The following INTS6 variants were observed in gnomAD, a reference collection of about 807,000 sequenced individuals.
INTS6 encodes integrator complex subunit 6, also known as DEAD box protein.
In INTS6, 16 loss-of-function variants were observed where a neutral mutation model predicts 104.9. The ratio of observed to expected loss-of-function variants is 0.15; its 90% CI spans 0.10 to 0.23. INTS6 has a LOEUF of 0.23. INTS6 is among the 10% of genes least tolerant of loss of function. INTS6 has a pLI of 1.00. For missense variants in INTS6, 584 were observed against 1,062.8 expected (o/e 0.55, Z 6.26); for synonymous variants, 324 against 358.7 (o/e 0.90, Z 1.09).
At position 51,452,796 on chromosome 13, in the gene INTS6, G is replaced by A. The variant is rs1430574158; in HGVS notation, c.-271C>T. The stretch of plus-strand genomic sequence containing the variant: ...GGGGCGGGCGCCCAGCCGTCTGTCT[G>A]TCGGTTCGTCCCCCCCGCCTCGGGG... On this transcript the variant is annotated 5_prime_UTR_variant, in exon 1 of 18. Coordinates refer to ENST00000311234, the MANE Select transcript of INTS6 (RefSeq NM_012141.3). This position sits in a 1 kb window ranked among gnomAD's most constrained non-coding sequence, Gnocchi z 4.2. 8.4e-7 allele frequency: 1 copy of A among 1,194,004 alleles called. No homozygotes were observed. The allele number at this position is 1,194,004 out of a possible 1,614,324, so 74.0% of individuals were successfully genotyped here.
chr13:51,395,248 T>C, intron 5 of INTS6, 52 bp downstream of exon 5: 1 of 1,503,676 alleles, frequency 6.7e-7, no homozygotes, highest in Non-Finnish European at 9.0e-7. Context: ...TTTTAAAACA[T>C]TCAGATAAAA....
chr13:51,377,249 C>T (rs1955952136), intron 12 of INTS6, among the ~76,000 whole-genome samples: 1 of 152,004 alleles, frequency 6.6e-6, no homozygotes, highest in Non-Finnish European at 1.5e-5. Context: ...TATATGAATT[C>T]TTTATATATT....
At chr13:51,425,571 A>G (rs1593747731) in intron 4 of INTS6, among the ~76,000 whole-genome samples, 2 of 152,212 alleles carry the variant, frequency 1.3e-5, no homozygotes, top group African/African-American at 4.8e-5. Context: ...AATAACTGCT[A>G]CACTATCCTG....
chr13:51,414,507 A>T (rs1320491359), intron 4 of INTS6, among the ~76,000 whole-genome samples: 1 of 152,180 alleles, frequency 6.6e-6, no homozygotes, highest in Admixed American at 6.5e-5. Context: ...TAATCAAACT[A>T]ATGCTAAATC....
chr13:51,341,125 CA>C, the INTS6 span: 1 of 1,613,906 alleles, frequency 6.2e-7, no homozygotes, highest in Admixed American at 1.7e-5. Context: ...CTTCCTCTTT[CA>C]CTCTTGCTGC....
At chr13:51,348,319 C>G in the INTS6 span, 1 of 1,613,854 alleles carries the variant, frequency 6.2e-7, no homozygotes, top group Non-Finnish European at 8.5e-7. Context: ...AAGACACCCC[C>G]CTGAGCCACA....
intron 3 of INTS6, chr13:51,447,582 A>C (rs913716901): frequency 6.6e-6 from 1 of 152,072 alleles, no homozygotes; most frequent in Non-Finnish European, 1.5e-5. Flanking sequence ...AAGGGCACAT[A>C]GTAGGAAAGG....
downstream of INTS6, among the ~76,000 whole-genome samples, chr13:51,349,687 C>T (rs1204273468): frequency 6.6e-6 from 1 of 152,186 alleles, no homozygotes; most frequent in Admixed American, 6.5e-5. Flanking sequence ...CTCCACCGTC[C>T]TGATTCTGCT....
chr13:51,340,923 A>T, the INTS6 span: 141 of 674,670 alleles, frequency 2.1e-4, no homozygotes, highest in Non-Finnish European at 3.1e-4. Context: ...GCTGGGCCTC[A>T]GGGTAGGTAA....
intron 5 of INTS6, 101 bp downstream of exon 5, chr13:51,395,199 T>C: frequency 8.6e-7 from 1 of 1,156,506 alleles, no homozygotes; most frequent in South Asian, 1.6e-5. Flanking sequence ...AATATTAACT[T>C]GTGAAATAAA....
At chr13:51,375,968 A>C (rs1320878908) in intron 13 of INTS6, 80 bp downstream of exon 13, 3 of 1,217,694 alleles carry the variant, frequency 2.5e-6, no homozygotes, top group Non-Finnish European at 3.4e-6. Flanking sequence ...AATTCTTTGA[A>C]ATTTACATCA....
chr13:51,393,966 C>T (rs1268122193), intron 5 of INTS6, among the ~76,000 whole-genome samples: 2 of 151,104 alleles, frequency 1.3e-5, no homozygotes, highest in Non-Finnish European at 2.9e-5. Flanking sequence ...AAGGAATTTC[C>T]AATGTGAGAA....
At chr13:51,451,322 ACT>A (rs1387449183) in intron 2 of INTS6, 148 bp from the exon 3 acceptor site, 12 of 484,870 alleles carry the variant, frequency 2.5e-5, no homozygotes, top group Middle Eastern at 5.4e-4. Flanking sequence ...TGCTGAGGAA[ACT>A]CTCTTCCAAA....
At chr13:51,394,824 C>T (rs1289606463) in intron 5 of INTS6, among the ~76,000 whole-genome samples, 1 of 152,126 alleles carries the variant, frequency 6.6e-6, no homozygotes, top group Non-Finnish European at 1.5e-5. Flanking sequence ...GGCATAGTAC[C>T]TACCTAATCT....
chr13:51,434,627 G>GA (rs1161426712), intron 3 of INTS6, among the ~76,000 whole-genome samples: 1 of 151,932 alleles, frequency 6.6e-6, no homozygotes, highest in African/African-American at 2.4e-5. Context: ...ATTTCTTCAG[G>GA]AAAAATGTGC....
chr13:51,401,617 A>G (rs1956442032), intron 4 of INTS6, among the ~76,000 whole-genome samples: 2 of 152,190 alleles, frequency 1.3e-5, no homozygotes, highest in South Asian at 4.1e-4. Flanking sequence ...GGTTACTATT[A>G]GAAGGCGCAA....
Position 51,452,815 on chromosome 13 carries a change from C to G in INTS6, c.-290G>C. 1 of 1,176,210 alleles carries G rather than the reference C, an allele frequency of 8.5e-7. No homozygotes were observed. Among genetic ancestry groups the G allele is most frequent in the Non-Finnish European group, 1.1e-6 (1 of 944,794 alleles). 72.9% of individuals were successfully genotyped at this position (1,176,210 alleles called of 1,614,324 possible). ...CTGTCTGTCGGTTCGTCCCCCCCGCCTCGGGGGTCCCGTCCCCGCTCCCGG... is the reference window on the plus strand; with the variant it reads ...CTGTCTGTCGGTTCGTCCCCCCCGCGTCGGGGGTCCCGTCCCCGCTCCCGG... On this transcript the variant is annotated 5_prime_UTR_variant, in exon 1 of 18. Transcript: ENST00000311234. This position sits in a 1 kb window ranked among gnomAD's most constrained non-coding sequence, Gnocchi z 4.2.
chr13:51,356,958 T>C (rs533543051), downstream of INTS6, among the ~76,000 whole-genome samples: 199 of 152,266 alleles, frequency 1.3e-3, no homozygotes, highest in African/African-American at 4.5e-3. Context: ...TTTTCTCTCA[T>C]GAAGTTTTGT....
Position 51,451,972 on chromosome 13 carries a change from T to C in INTS6, c.189+6A>G, listed in dbSNP as rs372585062. The C allele has an allele frequency of 5.6e-6, 9 of 1,605,028 alleles. No individual in the cohort carries two copies. In the African/African-American group the frequency reaches 6.7e-5, roughly 12 times the overall value. On this transcript the variant is annotated splice_donor_region_variant and intron_variant, in intron 2 of 17. Transcript: ENST00000311234. ...GGGAGGAAAGGGGGAGGGCGAGGGC[T>C]GTTACCTTGATAGCATAGGGCGGCT...
Sources: allele counts gnomAD v4.1 joint callset (sites outside exome capture counted in the v4.1 genomes callset), GRCh38; gene constraint gnomAD v4.1.1; non-coding constraint Gnocchi (gnomAD v3.1); transcripts MANE v1.5; gene names NCBI Gene and HGNC (gene_info 2026-07-23, HGNC 2026-07-21).